The following SPMIP2 variants were observed in gnomAD, a reference collection of about 807,000 sequenced individuals.
SPMIP2 encodes sperm microtubule inner protein 2.
the SPMIP2 span, among the ~76,000 whole-genome samples, chr4:159,040,396 C>A: frequency 2.6e-5 from 4 of 152,026 alleles, no homozygotes; most frequent in African/African-American, 9.7e-5. Flanking sequence ...TGGTCTTGAT[C>A]TCCTGACCTC....
chr4:158,970,147 G>T, the SPMIP2 span, among the ~76,000 whole-genome samples: 2 of 152,148 alleles, frequency 1.3e-5, no homozygotes, highest in Admixed American at 6.5e-5. Context: ...TGTATGTATC[G>T]GCTCAAGTGT....
the SPMIP2 span, among the ~76,000 whole-genome samples, chr4:158,951,800 C>T: frequency 6.6e-6 from 1 of 152,204 alleles, no homozygotes; most frequent in Non-Finnish European, 1.5e-5. Flanking sequence ...AACTAGGTGA[C>T]TAGCTGAAAT....
chr4:158,918,443 G>C, the SPMIP2 span, among the ~76,000 whole-genome samples: 2 of 152,218 alleles, frequency 1.3e-5, no homozygotes, highest in Non-Finnish European at 2.9e-5. Context: ...GCAACAGATA[G>C]TGCTTATAGT....
the SPMIP2 span, among the ~76,000 whole-genome samples, chr4:158,963,255 G>A: frequency 1.3e-5 from 2 of 150,560 alleles, no homozygotes; most frequent in African/African-American, 2.5e-5. Context: ...ATACGCTAAG[G>A]TATTACTGTT....
At chr4:158,911,947 T>C in the SPMIP2 span, among the ~76,000 whole-genome samples, 1 of 152,004 alleles carries the variant, frequency 6.6e-6, no homozygotes, top group African/African-American at 2.4e-5. Flanking sequence ...AATTATACAA[T>C]GCATATGATA....
At chr4:158,932,983 C>T in the SPMIP2 span, among the ~76,000 whole-genome samples, 1 of 152,140 alleles carries the variant, frequency 6.6e-6, no homozygotes, top group Admixed American at 6.6e-5. Flanking sequence ...GGTTTATTCC[C>T]AGTGGTTTCT....
At chr4:158,993,389 A>G in the SPMIP2 span, among the ~76,000 whole-genome samples, 2 of 151,786 alleles carry the variant, frequency 1.3e-5, no homozygotes, top group East Asian at 3.9e-4. Flanking sequence ...GAAAAAAAAG[A>G]AAAAAAAGAA....
chr4:159,010,636 T>C, the SPMIP2 span, among the ~76,000 whole-genome samples: 1 of 152,216 alleles, frequency 6.6e-6, no homozygotes, highest in Non-Finnish European at 1.5e-5. Flanking sequence ...AAATGTGGCA[T>C]GCATAACCAA....
chr4:158,993,729 T>C, the SPMIP2 span, among the ~76,000 whole-genome samples: 4,399 of 152,292 alleles, frequency 0.029, 204 homozygotes, highest in African/African-American at 0.097. Flanking sequence ...TTCTTCATCA[T>C]CTGGATTATC....
At chr4:158,908,657 C>T in the SPMIP2 span, among the ~76,000 whole-genome samples, 1 of 152,188 alleles carries the variant, frequency 6.6e-6, no homozygotes, top group Non-Finnish European at 1.5e-5. Flanking sequence ...GTAGCCCCTG[C>T]ATTCATGAAG....
At chr4:159,064,870 A>C in the SPMIP2 span, among the ~76,000 whole-genome samples, 7 of 152,348 alleles carry the variant, frequency 4.6e-5, no homozygotes, top group South Asian at 1.4e-3. Flanking sequence ...ATATGGAAAG[A>C]ATACACATGT....
the SPMIP2 span, among the ~76,000 whole-genome samples, chr4:158,941,523 G>A: frequency 1.3e-5 from 2 of 152,154 alleles, no homozygotes; most frequent in African/African-American, 4.8e-5. Flanking sequence ...GCTGGCTGTG[G>A]TGGTACCTCC....
the SPMIP2 span, among the ~76,000 whole-genome samples, chr4:158,927,672 G>A: frequency 3.3e-5 from 5 of 152,238 alleles, no homozygotes; most frequent in African/African-American, 1.2e-4. Context: ...GGCCAGAGCC[G>A]GCTCCCTCAG....
the SPMIP2 span, among the ~76,000 whole-genome samples, chr4:158,977,285 C>T: frequency 0.27 from 41,268 of 151,796 alleles, 6,261 homozygotes; most frequent in South Asian, 0.41. Context: ...TGTTATTGGT[C>T]TGTTCAGGGA....
the SPMIP2 span, among the ~76,000 whole-genome samples, chr4:159,059,889 G>A: frequency 6.6e-6 from 1 of 152,194 alleles, no homozygotes; most frequent in East Asian, 1.9e-4. Context: ...TATAGGGGCT[G>A]ACCTCACGAT....
chr4:158,936,159 G>A, the SPMIP2 span, among the ~76,000 whole-genome samples: 2 of 152,186 alleles, frequency 1.3e-5, no homozygotes, highest in Non-Finnish European at 2.9e-5. Context: ...CACACCTTCT[G>A]GAGATTCTCT....
the SPMIP2 span, among the ~76,000 whole-genome samples, chr4:158,977,541 T>C: frequency 0.97 from 143,533 of 147,928 alleles, 69,786 homozygotes; most frequent in South Asian, 1. Context: ...TTTCAAAAAA[T>C]CAGCTCCTGG....
chr4:159,020,883 TC>T, the SPMIP2 span, among the ~76,000 whole-genome samples: 31 of 152,186 alleles, frequency 2.0e-4, no homozygotes, highest in South Asian at 6.4e-3. Flanking sequence ...TGCCTCAGCC[TC>T]CCGAGTAGCT....
chr4:159,014,432 G>A, the SPMIP2 span, among the ~76,000 whole-genome samples: 7,707 of 152,188 alleles, frequency 0.051, 261 homozygotes, highest in Admixed American at 0.08. Flanking sequence ...CAGGCTGGGC[G>A]AAAGGGCAAG....
Sources: allele counts gnomAD v4.1 joint callset (sites outside exome capture counted in the v4.1 genomes callset), GRCh38; gene constraint gnomAD v4.1.1; transcripts MANE v1.5; gene names NCBI Gene and HGNC (gene_info 2026-07-23, HGNC 2026-07-21).